Variants in RSPH3 observed in about 807,000 individuals in gnomAD.
RSPH3 encodes radial spoke head 3, also known as radial spoke head protein 3 homolog.
A neutral mutation model predicts 43.8 loss-of-function variants in RSPH3; 21 were observed. The observed-to-expected ratio is 0.48, with a 90% confidence interval of 0.34 to 0.69. RSPH3 has a LOEUF of 0.69. RSPH3 is among the 30% of genes least tolerant of loss of function. The pLI is 0.01. For synonymous variants in RSPH3, 173 were observed against 179.8 expected (o/e 0.96, Z 0.30); for missense variants, 487 against 516.0 (o/e 0.94, Z 0.54).
At chr6:158,992,004 G>T (rs1778422638) in intron 2 of RSPH3, among the ~76,000 whole-genome samples, 1 of 149,754 alleles carries the variant, frequency 6.7e-6, no homozygotes, top group African/African-American at 2.5e-5. Context: ...TTATAAAATA[G>T]GCTTTGTGTT....
Position 158,973,886 on chromosome 6 carries a change from C to T in RSPH3, c.*3652G>A, listed in dbSNP as rs1457985747. ...GCTCTGTCACCGGGCTGGAGTGCAG[C>T]GGCGCGACCTCCTGGGTTCAAGTGA... On this transcript the variant is annotated 3_prime_UTR_variant, in exon 8 of 8. Coordinates refer to ENST00000367069, the MANE Select transcript of RSPH3 (RefSeq NM_031924.8). 1 of 150,536 alleles carries T rather than the reference C, an allele frequency of 6.6e-6. No homozygotes were observed. The highest frequency in any genetic ancestry group is 1.5e-5 in the Non-Finnish European group (1 of 67,764). The allele number at this position is 150,536 out of a possible 1,614,324, so 9.3% of individuals were successfully genotyped here. A position where few individuals can be genotyped will look rare whatever the true frequency, so the allele number is the denominator to read the frequency against.
At chr6:158,990,758 C>A (rs1274112187) in intron 2 of RSPH3, among the ~76,000 whole-genome samples, 1 of 151,792 alleles carries the variant, frequency 6.6e-6, no homozygotes, top group African/African-American at 2.4e-5. Context: ...AGGCCTTTTG[C>A]CAAATTTGTG....
intron 5 of RSPH3, among the ~76,000 whole-genome samples, chr6:158,982,265 A>C (rs1778056881): frequency 6.6e-6 from 1 of 152,196 alleles, no homozygotes; most frequent in African/African-American, 2.4e-5. Flanking sequence ...TTGGAAACTC[A>C]ATTTAGGTAT....
intron 1 of RSPH3, 110 bp downstream of exon 1, chr6:158,999,325 G>A: frequency 9.8e-6 from 10 of 1,018,044 alleles, no homozygotes; most frequent in Non-Finnish European, 1.4e-5. Flanking sequence ...GCAGAGTGCA[G>A]CCAAGGGAAG....
At chr6:158,992,084 C>G (rs1477614392) in intron 2 of RSPH3, among the ~76,000 whole-genome samples, 2 of 132,642 alleles carry the variant, frequency 1.5e-5, no homozygotes, top group Non-Finnish European at 3.1e-5. Context: ...GACAGGGTCT[C>G]ATTCTGGGAA....
chr6:158,983,849 T>A, intron 3 of RSPH3, 42 bp from the exon 4 acceptor site: 1 of 1,437,630 alleles, frequency 7.0e-7, no homozygotes, highest in Non-Finnish European at 9.8e-7. Context: ...AATTCTGGTC[T>A]AAGGCCAGGC....
Position 158,983,847 on chromosome 6 carries a change from T to C in RSPH3, c.347-40A>G, listed in dbSNP as rs200449769. ...ATATATATCGAGTTTAAAATTCTGG[T>C]CTAAGGCCAGGCATGGTAGTTCATG... On this transcript the variant is annotated intron_variant, in intron 3 of 7. Transcript: ENST00000367069. 9.9e-5 allele frequency: 146 copies of C among 1,467,628 alleles called. No homozygotes were observed. In the East Asian group the frequency reaches 3.2e-3, roughly 32 times the overall value. 90.9% of individuals were successfully genotyped at this position (1,467,628 alleles called of 1,614,324 possible).
chr6:158,997,093 C>T (rs1184952403), intron 1 of RSPH3, among the ~76,000 whole-genome samples: 1 of 152,080 alleles, frequency 6.6e-6, no homozygotes, highest in Non-Finnish European at 1.5e-5. Context: ...CCTTCTCCAT[C>T]ATGTTATGAA....
chr6:158,968,674 T>C (rs917021028), downstream of RSPH3, among the ~76,000 whole-genome samples: 5 of 152,210 alleles, frequency 3.3e-5, no homozygotes, highest in Admixed American at 6.5e-5. Context: ...TCTAGTATTA[T>C]TCTGTTCCTT....
the RSPH3 span, among the ~76,000 whole-genome samples, chr6:158,964,594 G>A: frequency 3.3e-5 from 5 of 152,082 alleles, no homozygotes; most frequent in African/African-American, 1.2e-4. Flanking sequence ...CATTTTCCAT[G>A]TGTTTATTGG....
chr6:158,986,004 G>A (rs1016883853), intron 3 of RSPH3, among the ~76,000 whole-genome samples: 10 of 151,856 alleles, frequency 6.6e-5, no homozygotes, highest in African/African-American at 2.2e-4. Context: ...AGTAGAGATG[G>A]GGTATTTCAC....
At position 158,998,629 on chromosome 6, in the gene RSPH3, G is replaced by A. The variant is rs553358057; in HGVS notation, c.116+806C>T. Among the ~76,000 whole-genome samples, 3 of 151,746 alleles carry A rather than the reference G, an allele frequency of 2.0e-5. No individual in the cohort carries two copies. The South Asian group carries it at 6.2e-4, about 32-fold the overall frequency. On this transcript the variant is annotated intron_variant, in intron 1 of 7. Transcript: ENST00000367069. ...CCAGCACTTTGGGAGGCCGAGGCGG[G>A]CGGATCACTTGAGGCCAAGAGTTTG...
At chr6:158,988,858 A>C (rs1173813612) in intron 2 of RSPH3, among the ~76,000 whole-genome samples, 2 of 152,034 alleles carry the variant, frequency 1.3e-5, no homozygotes, top group Admixed American at 1.3e-4. Context: ...TTGGTCAAAG[A>C]GCTCACATCC....
the RSPH3 span, among the ~76,000 whole-genome samples, chr6:158,963,082 G>C: frequency 6.6e-6 from 1 of 151,690 alleles, no homozygotes; most frequent in Middle Eastern, 3.2e-3. Flanking sequence ...TGCACTTTAG[G>C]TACTATCTGT....
At chr6:158,965,954 A>G in the RSPH3 span, among the ~76,000 whole-genome samples, 1 of 152,148 alleles carries the variant, frequency 6.6e-6, no homozygotes, top group African/African-American at 2.4e-5. Context: ...GACTGTTTTT[A>G]ATATGAAAGT....
Position 159,000,168 on chromosome 6 carries a change from G to C in RSPH3, c.-618C>G, listed in dbSNP as rs1439440643. 1 of 597,368 alleles carries C rather than the reference G, an allele frequency of 1.7e-6. No individual in the cohort carries two copies. Among genetic ancestry groups the C allele is most frequent in the Admixed American group, 3.5e-5 (1 of 28,454 alleles). 37.0% of individuals were successfully genotyped at this position (597,368 alleles called of 1,614,324 possible). A position where few individuals can be genotyped will look rare whatever the true frequency, so the allele number is the denominator to read the frequency against. ...CGCGATAACACGCCCCTGGCAGCCA[G>C]GCTCCCAGCTCTGTTACGTGCCCGG... On this transcript the variant is annotated 5_prime_UTR_variant, in exon 1 of 8. Transcript: ENST00000367069.
chr6:158,970,288 A>G (rs957529964), downstream of RSPH3, among the ~76,000 whole-genome samples: 22 of 152,150 alleles, frequency 1.4e-4, no homozygotes, highest in African/African-American at 5.3e-4. Context: ...CTTAGCAGTC[A>G]GCTGATGATT....
rs1045521542 is a variant in RSPH3 at position 158,975,874 on chromosome 6, T to G, written c.*1664A>C. ...TTTTAAATCACTACGTTTATATATG[T>G]GTAAGTATTTTGCGAAAAACAGACT... On this transcript the variant is annotated 3_prime_UTR_variant, in exon 8 of 8. Coordinates refer to ENST00000367069, the MANE Select transcript of RSPH3 (RefSeq NM_031924.8). 2.6e-5 allele frequency: 4 copies of G among 152,162 alleles called. No individual in the cohort carries two copies. The highest frequency in any genetic ancestry group is 5.9e-5 in the Non-Finnish European group (4 of 68,024). 9.4% of individuals were successfully genotyped at this position (152,162 alleles called of 1,614,324 possible). A position where few individuals can be genotyped will look rare whatever the true frequency, so the allele number is the denominator to read the frequency against.
At chr6:158,998,057 C>T (rs1006754261) in intron 1 of RSPH3, among the ~76,000 whole-genome samples, 1 of 152,092 alleles carries the variant, frequency 6.6e-6, no homozygotes, top group Non-Finnish European at 1.5e-5. Flanking sequence ...GTTCCTGCAT[C>T]CATGGAGCTT....
Sources: allele counts gnomAD v4.1 joint callset (sites outside exome capture counted in the v4.1 genomes callset), GRCh38; gene constraint gnomAD v4.1.1; transcripts MANE v1.5; gene names NCBI Gene and HGNC (gene_info 2026-07-23, HGNC 2026-07-21).